The following B3GALT1 variants were observed in gnomAD, a reference collection of about 807,000 sequenced individuals.
B3GALT1 encodes the protein UDP-Gal:betaGlcNAc beta 1,3-galactosyltransferase, polypeptide 1.
A neutral mutation model predicts 23.2 loss-of-function variants in B3GALT1; 10 were observed. The observed-to-expected ratio is 0.43, with a 90% CI of 0.27 to 0.73. The LOEUF is 0.73. Among genes scored for constraint, B3GALT1 ranks in the 30% least tolerant of loss-of-function variants. The probability of loss-of-function intolerance (pLI) is 0.21; values close to 1 mark genes in which losing one functional copy is unlikely to be tolerated. For missense variants in B3GALT1, 299 were observed against 405.4 expected (o/e 0.74, Z 2.25); for synonymous variants, 156 against 141.5 (o/e 1.10, Z -0.73).
At chr2:167,565,186 C>A (rs1436462062) in intron 2 of B3GALT1, among the ~76,000 whole-genome samples, 1 of 152,068 alleles carries the variant, frequency 6.6e-6, no homozygotes, top group African/African-American at 2.4e-5. Flanking sequence ...AGAACAGAGC[C>A]CTCAGAAATA....
intron 1 of B3GALT1, among the ~76,000 whole-genome samples, chr2:167,458,324 G>A (rs1699203014): frequency 6.6e-6 from 1 of 152,160 alleles, no homozygotes; most frequent in East Asian, 1.9e-4. Context: ...TCCAGTGTAT[G>A]TACATAACCA....
chr2:167,338,449 A>G (rs901853546), intron 1 of B3GALT1, among the ~76,000 whole-genome samples: 2 of 145,186 alleles, frequency 1.4e-5, no homozygotes, highest in Non-Finnish European at 3.0e-5. Flanking sequence ...ACAAACAGAT[A>G]CATGGTCAGA....
At chr2:167,570,418 C>T (rs1684270486) in intron 2 of B3GALT1, among the ~76,000 whole-genome samples, 1 of 151,918 alleles carries the variant, frequency 6.6e-6, no homozygotes, top group African/African-American at 2.4e-5. Flanking sequence ...TCACCTAGGT[C>T]ATCAAATTTG....
rs771321632 is a variant in B3GALT1 at position 167,869,837 on chromosome 2, A to G, written c.798A>G (p.Val266=). ...LHTRLLHLED[V]YVGLCLRKLG... is the part of the protein sequence containing the mutation. The stretch of plus-strand genomic sequence containing the variant: ...CAAGGCTGCTTCACCTTGAAGACGT[A>G]TATGTGGGACTGTGTCTTCGAAAGC... Residue 266 remains valine (V), a synonymous_variant, in exon 5 of 5, where the codon GTA becomes GTG. Transcript: ENST00000392690. The surrounding 1 kb of genome is among the most constrained non-coding windows in gnomAD (Gnocchi z 6.4). 8 of 1,614,140 alleles carry G rather than the reference A, an allele frequency of 5.0e-6. No individual in the cohort carries two copies. The East Asian group carries it at 1.1e-4, about 22-fold the overall frequency.
chr2:167,607,550 C>T (rs190982615), intron 2 of B3GALT1, among the ~76,000 whole-genome samples: 3 of 152,142 alleles, frequency 2.0e-5, no homozygotes, highest in African/African-American at 7.2e-5. Flanking sequence ...GGTGCACACA[C>T]GTGCATACAC....
At chr2:167,397,514 C>T (rs1698117422) in intron 1 of B3GALT1, among the ~76,000 whole-genome samples, 1 of 152,036 alleles carries the variant, frequency 6.6e-6, no homozygotes, top group Admixed American at 6.6e-5. Context: ...TTCTCACTGG[C>T]CCTCTAGTTC....
Position 167,468,573 on chromosome 2 carries a change from T to C in B3GALT1, c.-510-21604T>C, listed in dbSNP as rs578257536. Among the ~76,000 whole-genome samples, 5 of 152,302 alleles carry C rather than the reference T, an allele frequency of 3.3e-5. No individual in the cohort carries two copies. The South Asian group carries it at 1.0e-3, about 32-fold the overall frequency. The stretch of plus-strand genomic sequence containing the variant: ...TGACAAAGTGTGTCTGACATCATAT[T>C]TAATTATGAAATACTTGGCCAGGCG... On this transcript the variant is annotated intron_variant, in intron 1 of 4. Coordinates refer to ENST00000392690, the MANE Select transcript of B3GALT1 (RefSeq NM_020981.4).
chr2:167,849,723 TA>T (rs1316679856), intron 4 of B3GALT1, among the ~76,000 whole-genome samples: 3 of 151,704 alleles, frequency 2.0e-5, no homozygotes, highest in South Asian at 4.2e-4. Flanking sequence ...CTGTCTCTAC[TA>T]AAAAATACAA....
chr2:167,415,272 C>A (rs1698450989), intron 1 of B3GALT1, among the ~76,000 whole-genome samples: 1 of 152,070 alleles, frequency 6.6e-6, no homozygotes, highest in South Asian at 2.1e-4. Flanking sequence ...GAAGAGAGAC[C>A]TGAGCTAGCC....
chr2:167,805,259 T>G (rs1558984855), intron 3 of B3GALT1, among the ~76,000 whole-genome samples: 1 of 152,180 alleles, frequency 6.6e-6, no homozygotes, highest in Non-Finnish European at 1.5e-5. Context: ...TGCAAAAATT[T>G]TCTCCCATTC....
chr2:167,660,600 A>G (rs1232876768), intron 3 of B3GALT1, among the ~76,000 whole-genome samples: 1 of 152,132 alleles, frequency 6.6e-6, no homozygotes, highest in Admixed American at 6.5e-5. Flanking sequence ...AGTATCTGTG[A>G]GGAATCTTTC....
At chr2:167,825,283 C>CAAAAAA (rs71963760) in intron 4 of B3GALT1, among the ~76,000 whole-genome samples, 4 of 82,216 alleles carry the variant, frequency 4.9e-5, no homozygotes, top group African/African-American at 2.0e-4. Flanking sequence ...GACTCCGTCT[C>CAAAAAA]AAAAAAAAAA....
intron 2 of B3GALT1, among the ~76,000 whole-genome samples, chr2:167,640,341 A>G (rs919369584): frequency 6.6e-6 from 1 of 152,074 alleles, no homozygotes; most frequent in African/African-American, 2.4e-5. Context: ...AGTTTTCCTT[A>G]GAGCACAGAG....
chr2:167,677,817 G>A (rs1686453665), intron 3 of B3GALT1, among the ~76,000 whole-genome samples: 1 of 152,166 alleles, frequency 6.6e-6, no homozygotes, highest in Non-Finnish European at 1.5e-5. Flanking sequence ...GAGGCCTCAG[G>A]AAACTTACAA....
At chr2:167,737,191 AG>A (rs2105272112) in intron 3 of B3GALT1, among the ~76,000 whole-genome samples, 1 of 152,358 alleles carries the variant, frequency 6.6e-6, no homozygotes, top group South Asian at 2.1e-4. Flanking sequence ...AATATTCGCC[AG>A]GCATCATGCT....
intron 3 of B3GALT1, among the ~76,000 whole-genome samples, chr2:167,772,793 CA>C (rs1360181535): frequency 6.6e-6 from 1 of 152,220 alleles, no homozygotes; most frequent in Non-Finnish European, 1.5e-5. Context: ...CTCATATAAA[CA>C]TATCCAGTGT....
chr2:167,743,470 A>G (rs1687605999), intron 3 of B3GALT1, among the ~76,000 whole-genome samples: 1 of 152,080 alleles, frequency 6.6e-6, no homozygotes, highest in Admixed American at 6.5e-5. Flanking sequence ...CCAATTACTA[A>G]TGAAATTTTA....
chr2:167,350,142 A>G (rs1352538191), intron 1 of B3GALT1, among the ~76,000 whole-genome samples: 1 of 152,216 alleles, frequency 6.6e-6, no homozygotes, highest in Non-Finnish European at 1.5e-5. Context: ...GATCGTTGAA[A>G]AAGATTTTAA....
At chr2:167,550,727 G>C (rs1683729422) in intron 2 of B3GALT1, among the ~76,000 whole-genome samples, 1 of 152,198 alleles carries the variant, frequency 6.6e-6, no homozygotes, top group Admixed American at 6.5e-5. Context: ...TCTGTTGAAA[G>C]AGGGATGAAA....
Sources: allele counts gnomAD v4.1 joint callset (sites outside exome capture counted in the v4.1 genomes callset), GRCh38; gene constraint gnomAD v4.1.1; non-coding constraint Gnocchi (gnomAD v3.1); transcripts MANE v1.5; gene names NCBI Gene and HGNC (gene_info 2026-07-23, HGNC 2026-07-21).